The following STXBP6 variants were observed in gnomAD, a reference collection of about 807,000 sequenced individuals.
STXBP6 encodes syntaxin-binding protein 6.
Under a neutral mutation model 26.9 loss-of-function variants are expected in STXBP6, and 21 were observed. The ratio of observed to expected loss-of-function variants is 0.78; its 90% CI spans 0.55 to 1.12. The LOEUF is 1.12. Among genes scored for constraint, STXBP6 ranks in the 50% most tolerant of loss-of-function variants. STXBP6 has a pLI of 0.00. For synonymous variants in STXBP6, 97 were observed against 92.6 expected (o/e 1.05, Z -0.27); for missense variants, 232 against 257.9 (o/e 0.90, Z 0.69).
chr14:24,986,422 CAGA>C (rs2074333931), intron 1 of STXBP6, among the ~76,000 whole-genome samples: 1 of 152,118 alleles, frequency 6.6e-6, no homozygotes, highest in South Asian at 2.1e-4. Flanking sequence ...GAGCCACTGG[CAGA>C]AGAATACACC....
chr14:24,821,752 C>T lies in STXBP6; in HGVS notation c.452-2558G>A, dbSNP rs115010399. On this transcript the variant is annotated intron_variant, in intron 4 of 5. Coordinates refer to ENST00000323944, the MANE Select transcript of STXBP6 (RefSeq NM_001394410.1). ...TTGGGTACTTAATTAAGTACAATCA[C>T]GGGCAACTCTTCTCCTACTTGACTT... Among the ~76,000 whole-genome samples, 391 of 152,234 alleles carry T rather than the reference C, an allele frequency of 2.6e-3. 2 individuals carry two copies. The highest frequency in any genetic ancestry group is 8.4e-3 in the African/African-American group (349 of 41,524).
intron 1 of STXBP6, among the ~76,000 whole-genome samples, chr14:24,977,904 C>A (rs1185395492): frequency 6.6e-6 from 1 of 152,134 alleles, no homozygotes; most frequent in Admixed American, 6.5e-5. Flanking sequence ...CTAAGTATCA[C>A]AAGGATAAGG....
At chr14:24,882,146 G>A (rs1322387179) in intron 2 of STXBP6, among the ~76,000 whole-genome samples, 4 of 151,572 alleles carry the variant, frequency 2.6e-5, no homozygotes, top group Non-Finnish European at 4.4e-5. Flanking sequence ...TTGGGAGGCC[G>A]AGGCGGGCGG....
chr14:24,868,299 A>G (rs756727721), intron 2 of STXBP6, among the ~76,000 whole-genome samples: 4 of 152,202 alleles, frequency 2.6e-5, no homozygotes, highest in Non-Finnish European at 4.4e-5. Flanking sequence ...AAGATTTAAC[A>G]CTTCACTAAA....
intron 2 of STXBP6, among the ~76,000 whole-genome samples, chr14:24,937,290 A>T (rs1040394461): frequency 5.9e-5 from 9 of 152,246 alleles, no homozygotes; most frequent in East Asian, 1.9e-4. Context: ...AATATAATTT[A>T]AAAAAAAGTA....
chr14:24,967,126 G>C (rs1174808123), intron 2 of STXBP6, among the ~76,000 whole-genome samples: 1 of 152,198 alleles, frequency 6.6e-6, no homozygotes, highest in African/African-American at 2.4e-5. Context: ...ACTAGCTGAG[G>C]ATCTTGGGCA....
At chr14:24,852,001 G>A (rs79610034) in intron 4 of STXBP6, among the ~76,000 whole-genome samples, 3,163 of 152,238 alleles carry the variant, frequency 0.021, 139 homozygotes, top group East Asian at 0.18. Context: ...CATGCAGCAT[G>A]TTTTGCAATT....
chr14:25,038,255 TGGAA>T (rs1191486098), intron 1 of STXBP6, among the ~76,000 whole-genome samples: 2 of 152,134 alleles, frequency 1.3e-5, no homozygotes, highest in Non-Finnish European at 2.9e-5. Context: ...TGTGGAACAA[TGGAA>T]CTCTTATTCA....
intron 2 of STXBP6, among the ~76,000 whole-genome samples, chr14:24,866,381 G>A (rs554431880): frequency 1.7e-4 from 26 of 152,006 alleles, no homozygotes; most frequent in African/African-American, 5.8e-4. Context: ...TATGTGCATG[G>A]TGTATATATG....
chr14:24,822,327 C>T (rs1248089677), intron 4 of STXBP6, among the ~76,000 whole-genome samples: 2 of 152,112 alleles, frequency 1.3e-5, no homozygotes, highest in African/African-American at 2.4e-5. Context: ...TACACTCTTG[C>T]CTTTTTACCA....
At chr14:24,974,613 C>A (rs2073993875) in intron 2 of STXBP6, 52 bp downstream of exon 2, 1 of 1,468,420 alleles carries the variant, frequency 6.8e-7, no homozygotes, top group East Asian at 2.5e-5. Context: ...TCAGAATGAA[C>A]TGTTTTAAAA....
chr14:24,968,699 C>A (rs1225551424), intron 2 of STXBP6, among the ~76,000 whole-genome samples: 1 of 152,094 alleles, frequency 6.6e-6, no homozygotes, highest in Non-Finnish European at 1.5e-5. Context: ...CCCAAATAAA[C>A]CTGAATCTTA....
intron 2 of STXBP6, among the ~76,000 whole-genome samples, chr14:24,942,361 C>A (rs952816590): frequency 6.6e-6 from 1 of 152,240 alleles, no homozygotes; most frequent in Non-Finnish European, 1.5e-5. Context: ...TTGTCAACAA[C>A]TTCATCCAGA....
At position 24,811,994 on chromosome 14, in the gene STXBP6, T is replaced by G. The variant is rs1189060669; in HGVS notation, c.*715A>C. 6.6e-6 allele frequency: 1 copy of G among 152,154 alleles called. No individual in the cohort carries two copies. The highest frequency in any genetic ancestry group is 1.9e-4 in the East Asian group (1 of 5,198). The allele number at this position is 152,154 out of a possible 1,614,324, so 9.4% of individuals were successfully genotyped here. A position where few individuals can be genotyped will look rare whatever the true frequency, so the allele number is the denominator to read the frequency against. On this transcript the variant is annotated 3_prime_UTR_variant, in exon 6 of 6. Transcript: ENST00000323944. Reference sequence around the variant, plus strand: ...GGGCTTTACTCTCAAATTTTTACCCTTCATATGATAATTCCAAGTAAACAC... The same window carrying G: ...GGGCTTTACTCTCAAATTTTTACCCGTCATATGATAATTCCAAGTAAACAC...
intron 2 of STXBP6, among the ~76,000 whole-genome samples, chr14:24,910,053 C>T (rs1366905967): frequency 3.9e-5 from 6 of 151,960 alleles, no homozygotes. Context: ...GATCACACCT[C>T]CTACCACTTG....
chr14:24,842,282 C>T (rs2068808362), intron 4 of STXBP6, among the ~76,000 whole-genome samples: 1 of 152,174 alleles, frequency 6.6e-6, no homozygotes, highest in South Asian at 2.1e-4. Flanking sequence ...AGACTTGGTA[C>T]CAAGCAGCAA....
chr14:25,009,457 AT>A (rs1459444212), intron 1 of STXBP6, among the ~76,000 whole-genome samples: 1 of 152,198 alleles, frequency 6.6e-6, no homozygotes, highest in Non-Finnish European at 1.5e-5. Flanking sequence ...ACCAAAATAC[AT>A]TTCCTTCCCA....
intron 4 of STXBP6, among the ~76,000 whole-genome samples, chr14:24,845,158 T>C (rs947605158): frequency 1.3e-5 from 2 of 151,966 alleles, no homozygotes; most frequent in African/African-American, 2.4e-5. Context: ...ACTACAGGCA[T>C]GTGCCACCAG....
At chr14:24,911,308 G>A (rs763841899) in intron 2 of STXBP6, among the ~76,000 whole-genome samples, 1 of 151,504 alleles carries the variant, frequency 6.6e-6, no homozygotes, top group Non-Finnish European at 1.5e-5. Flanking sequence ...CTGCACTCCA[G>A]CCTGGACAAT....
Sources: gnomAD v4.1 joint callset for allele counts (sites outside exome capture counted in the v4.1 genomes callset) on GRCh38, gnomAD v4.1.1 for gene constraint, MANE v1.5 for transcripts, NCBI Gene and HGNC (gene_info 2026-07-23, HGNC 2026-07-21) for gene names.